Variants in TDRP observed in about 807,000 individuals in gnomAD.
TDRP encodes testis development related protein.
In TDRP, 12 loss-of-function variants were observed where a neutral mutation model predicts 10.5. The ratio of observed to expected loss-of-function variants is 1.15; its 90% CI spans 0.73 to 1.86. The LOEUF (loss-of-function observed/expected upper bound fraction) is 1.86, where lower values mean the gene tolerates loss of function less well. Among genes scored for constraint, TDRP ranks in the 40% most tolerant of loss-of-function variants. TDRP has a pLI of 0.00. For synonymous variants in TDRP, 139 were observed against 95.4 expected (o/e 1.46, Z -2.67); for missense variants, 353 against 229.2 (o/e 1.54, Z -3.49).
intron 1 of TDRP, among the ~76,000 whole-genome samples, chr8:512,270 C>A (rs867516156): frequency 4.9e-4 from 61 of 124,544 alleles, no homozygotes; most frequent in South Asian, 2.6e-3. Context: ...ACAACAACAA[C>A]AACAAAAAAA....
At chr8:501,607 A>C (rs1007232393) in intron 1 of TDRP, among the ~76,000 whole-genome samples, 4 of 152,260 alleles carry the variant, frequency 2.6e-5, no homozygotes, top group African/African-American at 9.6e-5. Flanking sequence ...TCAGCCTCCC[A>C]AAGTGCTGGG....
chr8:516,718 C>G (rs1351319215), intron 1 of TDRP, among the ~76,000 whole-genome samples: 1 of 152,196 alleles, frequency 6.6e-6, no homozygotes, highest in Non-Finnish European at 1.5e-5. Context: ...TAAACACTCT[C>G]ACCATGCAAG....
At chr8:502,019 G>A (rs983798501) in intron 1 of TDRP, among the ~76,000 whole-genome samples, 5 of 152,176 alleles carry the variant, frequency 3.3e-5, no homozygotes, top group African/African-American at 1.2e-4. Context: ...GAGGACTCTG[G>A]GAAGAGTGAA....
intron 1 of TDRP, among the ~76,000 whole-genome samples, chr8:529,499 A>T (rs1802127025): frequency 6.6e-6 from 1 of 152,150 alleles, no homozygotes; most frequent in African/African-American, 2.4e-5. Context: ...GCTATTTAGC[A>T]TCCTTTCACT....
chr8:538,628 C>G (rs1177472744), intron 1 of TDRP, among the ~76,000 whole-genome samples: 1 of 152,124 alleles, frequency 6.6e-6, no homozygotes, highest in Non-Finnish European at 1.5e-5. Flanking sequence ...GAAACCAAGT[C>G]CAAATCTAAA....
chr8:540,417 T>G (rs919712486), intron 1 of TDRP, among the ~76,000 whole-genome samples: 3 of 152,218 alleles, frequency 2.0e-5, no homozygotes, highest in Non-Finnish European at 4.4e-5. Context: ...CATAAATGTT[T>G]CATGGACAGA....
At chr8:505,481 A>C (rs756971661) in intron 1 of TDRP, among the ~76,000 whole-genome samples, 11 of 152,244 alleles carry the variant, frequency 7.2e-5, no homozygotes, top group Non-Finnish European at 1.5e-4. Flanking sequence ...ATAATCCATG[A>C]CTACTGCGAA....
At chr8:517,973 G>A (rs1801801052) in intron 1 of TDRP, among the ~76,000 whole-genome samples, 1 of 152,196 alleles carries the variant, frequency 6.6e-6, no homozygotes, top group Non-Finnish European at 1.5e-5. Flanking sequence ...GGATGAAAAG[G>A]TGGAGCACAG....
chr8:529,713 A>C (rs1802135474), intron 1 of TDRP, among the ~76,000 whole-genome samples: 1 of 152,150 alleles, frequency 6.6e-6, no homozygotes, highest in Non-Finnish European at 1.5e-5. Flanking sequence ...TTGTACTGTA[A>C]TGTTTCTGCT....
At chr8:524,690 A>G (rs1208890830) in intron 1 of TDRP, among the ~76,000 whole-genome samples, 1 of 152,220 alleles carries the variant, frequency 6.6e-6, no homozygotes, top group Non-Finnish European at 1.5e-5. Flanking sequence ...ATCAGTCTCA[A>G]AAGTAGAATT....
chr8:544,189 G>C (rs1253099328), intron 1 of TDRP, among the ~76,000 whole-genome samples: 1 of 152,140 alleles, frequency 6.6e-6, no homozygotes, highest in Non-Finnish European at 1.5e-5. Context: ...TCCGCGAGGA[G>C]GCCGTCCGGA....
At chr8:514,023 A>T (rs985470243) in intron 1 of TDRP, among the ~76,000 whole-genome samples, 1 of 151,400 alleles carries the variant, frequency 6.6e-6, no homozygotes, top group African/African-American at 2.4e-5. Flanking sequence ...AATACTCCCC[A>T]AACTGATCTA....
chr8:503,572 A>G (rs1413836778), intron 1 of TDRP, among the ~76,000 whole-genome samples: 1 of 142,986 alleles, frequency 7.0e-6, no homozygotes, highest in African/African-American at 2.8e-5. Context: ...ATCAACACAG[A>G]ATCCAAAGCC....
chr8:491,561 A>G lies in TDRP; in HGVS notation c.*838T>C. The G allele has an allele frequency of 1.4e-6, 2 of 1,474,358 alleles. No homozygotes were observed. The highest frequency in any genetic ancestry group is 2.5e-5 in the East Asian group (1 of 39,294). The allele number at this position is 1,474,358 out of a possible 1,614,324, so 91.3% of individuals were successfully genotyped here. On this transcript the variant is annotated 3_prime_UTR_variant, in exon 3 of 3. Transcript: ENST00000324079. ...AGAACAAACATATGAGCCTAATAAA[A>G]AAGAGGCACTTCAGTATTTTATGCA...
chr8:537,825 G>C (rs1178809810), intron 1 of TDRP, among the ~76,000 whole-genome samples: 1 of 152,142 alleles, frequency 6.6e-6, no homozygotes, highest in Non-Finnish European at 1.5e-5. Context: ...GATAAATTTA[G>C]CAATTTTATC....
At chr8:522,110 T>G (rs1420004750) in intron 1 of TDRP, among the ~76,000 whole-genome samples, 41 of 152,222 alleles carry the variant, frequency 2.7e-4, no homozygotes, top group Non-Finnish European at 4.4e-5. Flanking sequence ...ATTTTTTGTG[T>G]GTTTGGGATC....
At chr8:515,151 T>C (rs796827724) in intron 1 of TDRP, among the ~76,000 whole-genome samples, 52 of 152,288 alleles carry the variant, frequency 3.4e-4, no homozygotes, top group African/African-American at 1.1e-3. Flanking sequence ...GGCACTGATG[T>C]ATGTTCTGTG....
intron 1 of TDRP, among the ~76,000 whole-genome samples, chr8:509,225 C>G (rs1485450742): frequency 2.0e-5 from 3 of 152,174 alleles, no homozygotes; most frequent in Non-Finnish European, 4.4e-5. Flanking sequence ...ATTCTGGGAT[C>G]TGAGGATGGT....
At chr8:515,786 ATAAG>A (rs1801742336) in intron 1 of TDRP, among the ~76,000 whole-genome samples, 1 of 152,220 alleles carries the variant, frequency 6.6e-6, no homozygotes, top group African/African-American at 2.4e-5. Context: ...ATATAATTAA[ATAAG>A]TATGTGCTAA....
Sources: gnomAD v4.1 joint callset for allele counts (sites outside exome capture counted in the v4.1 genomes callset) on GRCh38, gnomAD v4.1.1 for gene constraint, MANE v1.5 for transcripts, NCBI Gene and HGNC (gene_info 2026-07-23, HGNC 2026-07-21) for gene names.